Variants in EXT2 observed in about 807,000 individuals in gnomAD.
EXT2 encodes the protein exostosin glycosyltransferase 2, also known as exostosin-2.
Under a neutral mutation model 81.6 loss-of-function variants are expected in EXT2, and 53 were observed. That is an observed-to-expected ratio of 0.65 (90% CI 0.52 to 0.82). The LOEUF is 0.82. Among genes scored for constraint, EXT2 ranks in the 40% least tolerant of loss-of-function variants. The pLI is 0.00. For synonymous variants in EXT2, 320 were observed against 340.0 expected (o/e 0.94, Z 0.65); for missense variants, 774 against 910.2 (o/e 0.85, Z 1.93).
intron 12 of EXT2, among the ~76,000 whole-genome samples, chr11:44,235,297 C>A (rs1480007188): frequency 1.5e-5 from 2 of 130,912 alleles, no homozygotes; most frequent in African/African-American, 6.0e-5. Flanking sequence ...TGCAGTGGCA[C>A]AGTCTCGGCT....
At chr11:44,099,186 G>T (rs1375101629) in intron 1 of EXT2, among the ~76,000 whole-genome samples, 2 of 151,136 alleles carry the variant, frequency 1.3e-5, no homozygotes, top group Admixed American at 1.3e-4. Context: ...GTTTTTTTTT[G>T]TTTGTTTGTT....
chr11:44,119,731 C>T (rs900873010), intron 4 of EXT2, among the ~76,000 whole-genome samples: 3 of 152,246 alleles, frequency 2.0e-5, no homozygotes, highest in Admixed American at 6.5e-5. Flanking sequence ...GCAAGCCTTT[C>T]TAAGGAGAAC....
At chr11:44,176,717 T>G (rs748911144) in intron 8 of EXT2, among the ~76,000 whole-genome samples, 1 of 152,168 alleles carries the variant, frequency 6.6e-6, no homozygotes, top group Non-Finnish European at 1.5e-5. Context: ...GAGTCTCTTC[T>G]CTAGATTCCA....
chr11:44,126,299 T>C (rs1332933007), intron 5 of EXT2, among the ~76,000 whole-genome samples: 2 of 152,230 alleles, frequency 1.3e-5, no homozygotes, highest in African/African-American at 4.8e-5. Flanking sequence ...ATGAGTATCT[T>C]CTATATAAAA....
intron 4 of EXT2, 110 bp downstream of exon 4, chr11:44,114,411 G>A (rs1954192711): frequency 1.0e-6 from 1 of 967,244 alleles, no homozygotes; most frequent in African/African-American, 1.6e-5. Context: ...ACAGGGTAGG[G>A]TCCTTGAGGC....
intron 7 of EXT2, among the ~76,000 whole-genome samples, chr11:44,163,788 G>A (rs542973573): frequency 6.6e-6 from 1 of 152,300 alleles, no homozygotes; most frequent in African/African-American, 2.4e-5. Context: ...CAGTGCAGCT[G>A]TTTCTTAAAC....
chr11:44,169,905 T>C (rs1955047437), intron 7 of EXT2, among the ~76,000 whole-genome samples: 1 of 152,154 alleles, frequency 6.6e-6, no homozygotes, highest in South Asian at 2.1e-4. Context: ...ATTTGAAATG[T>C]ATATTTATAA....
At chr11:44,130,780 T>A (rs1304278898) in intron 7 of EXT2, among the ~76,000 whole-genome samples, 1 of 152,246 alleles carries the variant, frequency 6.6e-6, no homozygotes, top group Admixed American at 6.5e-5. Context: ...ATCCCAAAAA[T>A]TTTTAATGGA....
intron 10 of EXT2, among the ~76,000 whole-genome samples, chr11:44,217,301 A>G (rs1955731150): frequency 6.6e-6 from 1 of 152,218 alleles, no homozygotes; most frequent in Admixed American, 6.5e-5. Flanking sequence ...GTTTTCTTCC[A>G]GTGTCTGTGA....
intron 4 of EXT2, among the ~76,000 whole-genome samples, chr11:44,119,867 G>T (rs1954291699): frequency 6.6e-6 from 1 of 152,240 alleles, no homozygotes; most frequent in African/African-American, 2.4e-5. Context: ...AGAGTGACAT[G>T]TGAGGACTGG....
At chr11:44,110,457 G>C (rs1177723024) in intron 3 of EXT2, among the ~76,000 whole-genome samples, 1 of 152,172 alleles carries the variant, frequency 6.6e-6, no homozygotes, top group African/African-American at 2.4e-5. Flanking sequence ...TCCGGATTTG[G>C]CTCTCAGCCC....
chr11:44,248,171 G>A lies in EXT2; in HGVS notation c.*3884G>A, dbSNP rs1590678617. On this transcript the variant is annotated 3_prime_UTR_variant, in exon 14 of 14. Transcript: ENST00000533608. Reference sequence around the variant, plus strand: ...TGCTTTTTCCATTTCTCTTGGCTCGGGTACTCTTCCATTGCAGCAAGAGAA... The same window carrying A: ...TGCTTTTTCCATTTCTCTTGGCTCGAGTACTCTTCCATTGCAGCAAGAGAA... Among the ~76,000 whole-genome samples the A allele has an allele frequency of 6.6e-6, 1 of 152,088 alleles. No individual in the cohort carries two copies. The highest frequency in any genetic ancestry group is 2.4e-5 in the African/African-American group (1 of 41,398).
chr11:44,153,503 T>C (rs1315677661), intron 7 of EXT2, among the ~76,000 whole-genome samples: 1 of 152,100 alleles, frequency 6.6e-6, no homozygotes, highest in East Asian at 1.9e-4. Context: ...ATATACCTTG[T>C]ATTTTTTTTT....
rs2134930261 is a variant in EXT2 at position 44,095,854 on chromosome 11, T to G, written c.-31+2T>G. On this transcript the variant is annotated splice_donor_variant, in intron 1 of 13. Transcript: ENST00000533608. LOFTEE classifies it low-confidence loss of function (5UTR_SPLICE). ...GAGCGGGAGGCAGCCGTGGCCGAGG[T>G]AAGCGCGGCTCTCCAGGGCGGCGGC... 5.6e-6 allele frequency: 1 copy of G among 177,638 alleles called. No individual in the cohort carries two copies. The highest frequency in any genetic ancestry group is 1.5e-4 in the South Asian group (1 of 6,728). The allele number at this position is 177,638 out of a possible 1,614,324, so 11.0% of individuals were successfully genotyped here.
intron 5 of EXT2, among the ~76,000 whole-genome samples, chr11:44,126,361 C>T (rs559767089): frequency 5.3e-5 from 8 of 152,162 alleles, no homozygotes; most frequent in Non-Finnish European, 1.2e-4. Context: ...AGATTTGATA[C>T]CTTCCCTTTA....
At chr11:44,216,584 G>A (rs956520090) in intron 10 of EXT2, among the ~76,000 whole-genome samples, 7 of 152,106 alleles carry the variant, frequency 4.6e-5, no homozygotes, top group Admixed American at 2.6e-4. Flanking sequence ...GAGGAATAAC[G>A]TGCAGATTCA....
chr11:44,168,440 G>A (rs1350443216), intron 7 of EXT2, among the ~76,000 whole-genome samples: 1 of 152,172 alleles, frequency 6.6e-6, no homozygotes, highest in East Asian at 1.9e-4. Context: ...AAGAAATATT[G>A]TCCGAAAGTT....
chr11:44,168,732 A>G (rs755385232), intron 7 of EXT2, among the ~76,000 whole-genome samples: 11 of 152,224 alleles, frequency 7.2e-5, no homozygotes, highest in Non-Finnish European at 1.2e-4. Flanking sequence ...AGAATTCTCT[A>G]CCTATCAAAA....
At chr11:44,132,809 C>T (rs185266753) in intron 7 of EXT2, among the ~76,000 whole-genome samples, 1 of 152,254 alleles carries the variant, frequency 6.6e-6, no homozygotes, top group Admixed American at 6.5e-5. Context: ...GTGCTGCTTT[C>T]GGACCATCTA....
Sources: allele counts gnomAD v4.1 joint callset (sites outside exome capture counted in the v4.1 genomes callset), GRCh38; gene constraint gnomAD v4.1.1; transcripts MANE v1.5; gene names NCBI Gene and HGNC (gene_info 2026-07-23, HGNC 2026-07-21).